LYSMD2: variants seen among roughly 807,000 people sequenced by gnomAD.
The protein encoded by LYSMD2 is LysM domain containing 2.
A neutral mutation model predicts 17.7 loss-of-function variants in LYSMD2; 6 were observed. That is an observed-to-expected ratio of 0.34 (90% CI 0.19 to 0.67). The LOEUF (loss-of-function observed/expected upper bound fraction) is 0.67, where lower values mean the gene tolerates loss of function less well. Among genes scored for constraint, LYSMD2 ranks in the 30% least tolerant of loss-of-function variants. The pLI is 0.69. For synonymous variants in LYSMD2, 102 were observed against 129.8 expected, an observed-to-expected ratio of 0.79 and a Z score of 1.45; for missense variants, 237 against 286.7, an observed-to-expected ratio of 0.83 and a Z score of 1.25.
At chr15:51,733,324 T>C (rs1276769739) in intron 1 of LYSMD2, among the ~76,000 whole-genome samples, 2 of 151,720 alleles carry the variant, frequency 1.3e-5, no homozygotes, top group African/African-American at 2.4e-5. Context: ...CAATATAAGA[T>C]ACATTTTCTT....
chr15:51,729,410 A>C (rs1902430), intron 1 of LYSMD2, among the ~76,000 whole-genome samples: 73,107 of 152,186 alleles, frequency 0.48, 17,837 homozygotes, highest in Admixed American at 0.55. Context: ...ACTGAAAAAT[A>C]CAAAATGGTG....
intron 1 of LYSMD2, among the ~76,000 whole-genome samples, chr15:51,736,163 G>A (rs900162167): frequency 6.6e-6 from 1 of 152,290 alleles, no homozygotes; most frequent in South Asian, 2.1e-4. Context: ...AGATAAAGAT[G>A]AAACAAGACA....
At chr15:51,733,331 T>C (rs2055588197) in intron 1 of LYSMD2, among the ~76,000 whole-genome samples, 1 of 151,834 alleles carries the variant, frequency 6.6e-6, no homozygotes, top group African/African-American at 2.4e-5. Context: ...AGATACATTT[T>C]CTTTTTCTAC....
At chr15:51,727,177 C>A (rs1221680779) in intron 1 of LYSMD2, among the ~76,000 whole-genome samples, 1 of 152,150 alleles carries the variant, frequency 6.6e-6, no homozygotes, top group East Asian at 1.9e-4. Flanking sequence ...TCCTTTCAAA[C>A]CCACTCTCCC....
At chr15:51,744,319 T>C (rs1229153113) in intron 1 of LYSMD2, among the ~76,000 whole-genome samples, 1 of 152,152 alleles carries the variant, frequency 6.6e-6, no homozygotes, top group African/African-American at 2.4e-5. Flanking sequence ...TACCCCTCTG[T>C]TCTCAGTTTG....
chr15:51,750,988 G>C (rs1355450319), intron 1 of LYSMD2, among the ~76,000 whole-genome samples: 2 of 152,226 alleles, frequency 1.3e-5, no homozygotes, highest in Admixed American at 1.3e-4. Context: ...CTAAGTGCCA[G>C]ATCCTAAGTG....
At position 51,723,119 on chromosome 15, in the gene LYSMD2, C is replaced by G. The variant is rs1271397338; in HGVS notation, c.*488G>C. 1 of 150,196 alleles carries G rather than the reference C, an allele frequency of 6.7e-6. No homozygotes were observed. The highest frequency in any genetic ancestry group is 1.5e-5 in the Non-Finnish European group (1 of 67,714). 9.3% of individuals were successfully genotyped at this position (150,196 alleles called of 1,614,324 possible). ...TTCAGGCTTTTGTAGTTTATTTTTA[C>G]AAAATAGCAGACAAAATTTGGTTCT... On this transcript the variant is annotated 3_prime_UTR_variant, in exon 3 of 3. Transcript: ENST00000267838.
intron 2 of LYSMD2, among the ~76,000 whole-genome samples, chr15:51,724,156 A>T (rs1467168572): frequency 6.6e-6 from 1 of 152,134 alleles, no homozygotes; most frequent in Non-Finnish European, 1.5e-5. Context: ...GCAAAAAAGG[A>T]AACACAGTAG....
intron 1 of LYSMD2, among the ~76,000 whole-genome samples, chr15:51,745,297 GA>G (rs972809045): frequency 6.7e-6 from 1 of 150,354 alleles, no homozygotes; most frequent in African/African-American, 2.4e-5. Context: ...GACATAACAA[GA>G]AAAAAAAACT....
At position 51,737,353 on chromosome 15, in the gene LYSMD2, G is replaced by A; in HGVS notation, c.270C>T (p.Val90=). The A allele has an allele frequency of 6.9e-7, 1 of 1,439,494 alleles. No individual in the cohort carries two copies. The highest frequency in any genetic ancestry group is 9.1e-7 in the Non-Finnish European group (1 of 1,100,118). 89.2% of individuals were successfully genotyped at this position (1,439,494 alleles called of 1,614,324 possible). ...CGCGGCGGCGCGCCCTGCTCACCGT[G>A]ACACCGTACTTGAGCGCGATGCCCT... ...TLQGIALKYG[V]TMEQIKRANK... Residue 90 remains valine, a synonymous_variant, in exon 1 of 3, where the codon GTC becomes GTT. Transcript: ENST00000267838. The surrounding 1 kb of genome is among the most constrained non-coding windows in gnomAD (Gnocchi z 4.2).
Position 51,737,505 on chromosome 15 carries a change from G to C in LYSMD2, c.118C>G (p.Leu40Val). 1 of 1,306,724 alleles carries C rather than the reference G, an allele frequency of 7.7e-7. No individual in the cohort carries two copies. Among genetic ancestry groups the C allele is most frequent in the Non-Finnish European group, 9.7e-7 (1 of 1,029,464 alleles). 80.9% of individuals were successfully genotyped at this position (1,306,724 alleles called of 1,614,324 possible). The change falls in exon 1 of 3, where the codon CTG (leucine) becomes GTG (valine). Residue 40 changes from leucine (L) to valine (V), a missense_variant. Physicochemically the swap from Leu to Val is conservative, Grantham distance 32. Coordinates refer to ENST00000267838, the MANE Select transcript of LYSMD2 (RefSeq NM_153374.3). This position sits in a 1 kb window ranked among gnomAD's most constrained non-coding sequence, Gnocchi z 4.2. ...RSGSESEEAELSLSLARTKTR... is the reference protein window; with the variant it reads ...RSGSESEEAEVSLSLARTKTR... The stretch of plus-strand genomic sequence containing the variant: ...TTGGTGCGGGCCAGGCTCAGCGACA[G>C]CTCGGCCTCCTCGGACTCGGAGCCG...
At chr15:51,742,706 C>A (rs1254845099) in intron 1 of LYSMD2, among the ~76,000 whole-genome samples, 1 of 152,116 alleles carries the variant, frequency 6.6e-6, no homozygotes, top group Non-Finnish European at 1.5e-5. Context: ...GCATGTAATA[C>A]CAGCACTTTA....
chr15:51,744,977 T>C (rs2055660210), intron 1 of LYSMD2, among the ~76,000 whole-genome samples: 1 of 152,064 alleles, frequency 6.6e-6, no homozygotes, highest in Non-Finnish European at 1.5e-5. Context: ...ATAAAGAATG[T>C]TATGAACAAC....
At chr15:51,739,451 G>A (rs1375254805), upstream of LYSMD2, among the ~76,000 whole-genome samples, 3 of 152,196 alleles carry the variant, frequency 2.0e-5, no homozygotes, top group African/African-American at 7.2e-5. Context: ...AAACTTTTGG[G>A]TGGTATCCAG....
chr15:51,740,844 A>AAGTGTGT (rs1567230481), upstream of LYSMD2, among the ~76,000 whole-genome samples: 4 of 152,190 alleles, frequency 2.6e-5, no homozygotes, highest in Non-Finnish European at 5.9e-5. Context: ...AAAGAAAGAA[A>AAGTGTGT]AGTGTGTATT....
chr15:51,727,717 C>G (rs2055549139), intron 1 of LYSMD2, among the ~76,000 whole-genome samples: 1 of 152,216 alleles, frequency 6.6e-6, no homozygotes, highest in Admixed American at 6.5e-5. Flanking sequence ...CTCCCCCTGG[C>G]TTCTGTACAT....
upstream of LYSMD2, among the ~76,000 whole-genome samples, chr15:51,740,666 T>A (rs937500266): frequency 5.9e-5 from 9 of 152,108 alleles, no homozygotes; most frequent in Admixed American, 3.3e-4. Flanking sequence ...ACAAGCTCAA[T>A]ATACAAACAT....
At chr15:51,739,506 A>G, upstream of LYSMD2, among the ~76,000 whole-genome samples, 1 of 152,208 alleles carries the variant, frequency 6.6e-6, no homozygotes, top group African/African-American at 2.4e-5. Context: ...TTTGAGTCTC[A>G]GTATATAGAC....
intron 1 of LYSMD2, among the ~76,000 whole-genome samples, chr15:51,727,033 C>A (rs2055544416): frequency 6.6e-6 from 1 of 152,162 alleles, no homozygotes; most frequent in Non-Finnish European, 1.5e-5. Context: ...CTCATACACA[C>A]TAAGTGCTTA....
Sources: gnomAD v4.1 joint callset for allele counts (sites outside exome capture counted in the v4.1 genomes callset) on GRCh38, gnomAD v4.1.1 for gene constraint, Gnocchi (gnomAD v3.1) non-coding constraint, MANE v1.5 for transcripts, NCBI Gene and HGNC (gene_info 2026-07-23, HGNC 2026-07-21) for gene names.